EYS: variants seen among roughly 807,000 people sequenced by gnomAD.
EYS encodes the protein protein eyes shut homolog.
EYS carries 250 observed loss-of-function variants against 282.1 expected under a neutral mutation model. The ratio of observed to expected loss-of-function variants is 0.89; its 90% CI spans 0.80 to 0.98. The LOEUF is 0.98. Ranked by LOEUF, EYS falls within the 50% of genes least tolerant of loss-of-function variation. The pLI is 0.00. For synonymous variants in EYS, 1,355 were observed against 1,282.9 expected (o/e 1.06, Z -1.20); for missense variants, 4,016 against 3,709.0 (o/e 1.08, Z -2.15).
At chr6:64,903,064 T>C (rs546208230) in intron 16 of EYS, among the ~76,000 whole-genome samples, 4 of 152,230 alleles carry the variant, frequency 2.6e-5, no homozygotes, top group South Asian at 4.1e-4. Context: ...AACAAGACAG[T>C]TGCAATTATT....
At position 65,339,012 on chromosome 6, in the gene EYS, G is replaced by A. The variant is rs151309167; in HGVS notation, c.1600-3866C>T. Among the ~76,000 whole-genome samples the A allele has an allele frequency of 6.5e-4, 98 of 151,000 alleles. 1 individual carries two copies. In the East Asian group the frequency reaches 0.013, roughly 20 times the overall value. ...ATATCCACATTATATTAGTACATAG[G>A]GTCACTTGGCAAAGGACTCTGTGGG... On this transcript the variant is annotated intron_variant, in intron 10 of 42. Transcript: ENST00000503581.
intron 15 of EYS, among the ~76,000 whole-genome samples, chr6:64,913,639 T>G (rs1488184517): frequency 6.6e-6 from 1 of 152,150 alleles, no homozygotes; most frequent in African/African-American, 2.4e-5. Context: ...CATCACATAT[T>G]CTTTATCCAG....
intron 22 of EYS, among the ~76,000 whole-genome samples, chr6:64,808,990 A>G (rs549642539): frequency 1.3e-5 from 2 of 152,204 alleles, no homozygotes; most frequent in South Asian, 2.1e-4. Context: ...GGCAACCACA[A>G]CACATGTAGT....
At chr6:64,634,063 A>G (rs1767885141) in intron 22 of EYS, among the ~76,000 whole-genome samples, 1 of 152,288 alleles carries the variant, frequency 6.6e-6, no homozygotes, top group East Asian at 1.9e-4. Context: ...AACTCACTTC[A>G]ACCTCCGCCT....
chr6:65,175,388 T>C (rs1230760833), intron 12 of EYS, among the ~76,000 whole-genome samples: 1 of 151,410 alleles, frequency 6.6e-6, no homozygotes, highest in African/African-American at 2.4e-5. Context: ...CTATGCAGGA[T>C]ATCCAAGGTA....
chr6:64,588,250 G>A (rs1301996334), intron 26 of EYS, among the ~76,000 whole-genome samples: 1 of 151,990 alleles, frequency 6.6e-6, no homozygotes, highest in African/African-American at 2.4e-5. Flanking sequence ...AATTTTAGTG[G>A]AACAAGCCAT....
chr6:65,271,758 A>G (rs764933737), intron 12 of EYS, among the ~76,000 whole-genome samples: 31 of 151,578 alleles, frequency 2.0e-4, no homozygotes, highest in Non-Finnish European at 4.0e-4. Flanking sequence ...AATTTTTTGT[A>G]TTTTTAGTAG....
intron 40 of EYS, among the ~76,000 whole-genome samples, chr6:63,765,924 G>A (rs993785076): frequency 6.6e-6 from 1 of 151,982 alleles, no homozygotes; most frequent in African/African-American, 2.4e-5. Flanking sequence ...CCTGGCTTCA[G>A]TTCAACTTTC....
rs181210778 is a variant in EYS, at chr6:65,003,260, G to T, written c.2138-5557C>A. Reference sequence around the variant, plus strand: ...TGGGTCTCTGAACTGGCCCCCCTGGGCGTGGCCATCTCTTATGGTTGAGAC... The same window carrying T: ...TGGGTCTCTGAACTGGCCCCCCTGGTCGTGGCCATCTCTTATGGTTGAGAC... On this transcript the variant is annotated intron_variant, in intron 13 of 42. Coordinates refer to ENST00000503581, the MANE Select transcript of EYS (RefSeq NM_001142800.2). Among the ~76,000 whole-genome samples the T allele has an allele frequency of 2.7e-5, 4 of 147,250 alleles. 1 individual carries two copies. The highest frequency in any genetic ancestry group is 2.1e-4 in the East Asian group (1 of 4,656).
intron 2 of EYS, among the ~76,000 whole-genome samples, chr6:65,501,158 T>C (rs1471685061): frequency 2.0e-5 from 3 of 151,954 alleles, no homozygotes; most frequent in Non-Finnish European, 4.4e-5. Flanking sequence ...ATCGGTTTTC[T>C]GTAAGTAATC....
intron 2 of EYS, among the ~76,000 whole-genome samples, chr6:65,528,405 A>G (rs1262600110): frequency 6.6e-6 from 1 of 152,196 alleles, no homozygotes; most frequent in Non-Finnish European, 1.5e-5. Flanking sequence ...GATGTTATCT[A>G]CTATGGTTTG....
At chr6:63,938,046 T>TA (rs1172703833) in intron 35 of EYS, among the ~76,000 whole-genome samples, 4 of 152,228 alleles carry the variant, frequency 2.6e-5, no homozygotes, top group Non-Finnish European at 5.9e-5. Context: ...ATATGACTGA[T>TA]AACTTTTTCA....
intron 5 of EYS, among the ~76,000 whole-genome samples, chr6:65,484,793 A>T (rs1467976062): frequency 6.6e-6 from 1 of 152,216 alleles, no homozygotes; most frequent in African/African-American, 2.4e-5. Flanking sequence ...GGTTTGGTCA[A>T]TTATTGTGTG....
chr6:63,731,246 C>G (rs896494713), intron 41 of EYS, among the ~76,000 whole-genome samples: 4 of 152,086 alleles, frequency 2.6e-5, no homozygotes, highest in African/African-American at 9.7e-5. Context: ...AAGTTTTTAG[C>G]AGTCATAATG....
chr6:65,023,704 C>G (rs1427953760), intron 13 of EYS, among the ~76,000 whole-genome samples: 2 of 152,300 alleles, frequency 1.3e-5, no homozygotes, highest in East Asian at 3.9e-4. Flanking sequence ...CTTCCATAGA[C>G]AGAGGAGACT....
At chr6:65,275,260 T>TCAAAA in intron 12 of EYS, among the ~76,000 whole-genome samples, 1 of 152,194 alleles carries the variant, frequency 6.6e-6, no homozygotes, top group Non-Finnish European at 1.5e-5. Flanking sequence ...AAACAGCTGT[T>TCAAAA]GGTATGTTAC....
chr6:64,197,655 G>C (rs1020731272), intron 31 of EYS, among the ~76,000 whole-genome samples: 1 of 151,736 alleles, frequency 6.6e-6, no homozygotes, highest in African/African-American at 2.4e-5. Context: ...TTAGTGCCTA[G>C]AGGTTTTATA....
At chr6:64,392,138 GA>G (rs1472997658) in intron 28 of EYS, among the ~76,000 whole-genome samples, 1 of 146,036 alleles carries the variant, frequency 6.8e-6, no homozygotes, top group Non-Finnish European at 1.5e-5. Context: ...AGTCCTGAGT[GA>G]CCTACAAAGA....
At chr6:65,101,458 G>A (rs930348567) in intron 12 of EYS, among the ~76,000 whole-genome samples, 4 of 151,004 alleles carry the variant, frequency 2.6e-5, no homozygotes, top group Non-Finnish European at 5.9e-5. Context: ...GCCATATGAC[G>A]TATTATTTGT....
Sources: gnomAD v4.1 joint callset for allele counts (sites outside exome capture counted in the v4.1 genomes callset) on GRCh38, gnomAD v4.1.1 for gene constraint, MANE v1.5 for transcripts, NCBI Gene and HGNC (gene_info 2026-07-23, HGNC 2026-07-21) for gene names.